Variants in PKHD1L1 observed in about 807,000 individuals in gnomAD.
The protein encoded by PKHD1L1 is fibrocystin-L.
PKHD1L1 carries 434 observed loss-of-function variants against 462.9 expected under a neutral mutation model. The observed-to-expected ratio is 0.94, with a 90% CI of 0.87 to 1.02. The LOEUF (loss-of-function observed/expected upper bound fraction) is 1.02, where lower values mean the gene tolerates loss of function less well. Among genes scored for constraint, PKHD1L1 ranks in the 50% least tolerant of loss-of-function variants. The probability of loss-of-function intolerance (pLI) is 0.00; values close to 1 mark genes in which losing one functional copy is unlikely to be tolerated. For synonymous variants in PKHD1L1, 1,781 were observed against 1,750.0 expected, an observed-to-expected ratio of 1.02 and a Z score of -0.44; for missense variants, 5,202 against 5,096.1, an observed-to-expected ratio of 1.02 and a Z score of -0.63.
Position 109,412,387 on chromosome 8 carries a change from A to G in PKHD1L1, c.2208A>G (p.Gly736=). The change falls in exon 20 of 78, where the codon GGA becomes GGG. Residue 736 remains glycine (G), a synonymous_variant. Coordinates refer to ENST00000378402, the MANE Select transcript of PKHD1L1 (RefSeq NM_177531.6). Reference sequence around the variant, plus strand: ...TTAAACCAAACAGACGACCATATGGAGATATTTTATTGTTTCCTTATAATC... The same window carrying G: ...TTAAACCAAACAGACGACCATATGGGGATATTTTATTGTTTCCTTATAATC... ...ADVKPNRRPY[G]DILLFPYNQL... is the part of the protein sequence containing the mutation. 2 of 1,612,614 alleles carry G rather than the reference A, an allele frequency of 1.2e-6. No individual in the cohort carries two copies. The highest frequency in any genetic ancestry group is 1.7e-6 in the Non-Finnish European group (2 of 1,179,176).
chr8:109,382,361 T>G, intron 3 of PKHD1L1, 102 bp from the exon 4 acceptor site: 1 of 900,624 alleles, frequency 1.1e-6, no homozygotes, highest in Non-Finnish European at 1.6e-6. Flanking sequence ...GGACACTTTC[T>G]GTCAAAAATA....
At chr8:109,404,180 C>G (rs1164172057) in intron 14 of PKHD1L1, among the ~76,000 whole-genome samples, 1 of 152,064 alleles carries the variant, frequency 6.6e-6, no homozygotes, top group Admixed American at 6.6e-5. Context: ...TCTAAGCCTG[C>G]CATTTTCTTG....
At chr8:109,480,258 A>G in intron 55 of PKHD1L1, 119 bp downstream of exon 55, 1 of 1,045,630 alleles carries the variant, frequency 9.6e-7, no homozygotes, top group Non-Finnish European at 1.4e-6. Context: ...AACTGGCTCT[A>G]TCCCATTAAA....
intron 16 of PKHD1L1, 111 bp from the exon 17 acceptor site, chr8:109,406,224 G>T: frequency 9.7e-7 from 1 of 1,036,062 alleles, no homozygotes; most frequent in South Asian, 1.8e-5. Flanking sequence ...ACATGGTACA[G>T]AGTATAGGTG....
intron 71 of PKHD1L1, 68 bp downstream of exon 71, chr8:109,511,002 T>C: frequency 6.6e-7 from 1 of 1,513,522 alleles, no homozygotes; most frequent in Non-Finnish European, 9.0e-7. Flanking sequence ...TGCTAAGGCT[T>C]GTACCTCCTC....
chr8:109,461,703 A>G (rs1385032784), intron 47 of PKHD1L1, 69 bp from the exon 48 acceptor site: 1 of 1,485,018 alleles, frequency 6.7e-7, no homozygotes. Flanking sequence ...ACACTTAGTT[A>G]TGAGAAAATC....
intron 35 of PKHD1L1, 73 bp from the exon 36 acceptor site, chr8:109,442,873 A>T (rs1815881897): frequency 1.4e-6 from 2 of 1,400,808 alleles, no homozygotes; most frequent in African/African-American, 1.4e-5. Flanking sequence ...GATCATTTCA[A>T]ATTGTTTTCA....
chr8:109,430,453 T>C (rs1002142355), intron 27 of PKHD1L1, among the ~76,000 whole-genome samples: 3 of 152,140 alleles, frequency 2.0e-5, no homozygotes, highest in African/African-American at 7.2e-5. Flanking sequence ...TAACAAGACA[T>C]CTGCTGTTTC....
Position 109,453,022 on chromosome 8 carries a change from A to G in PKHD1L1, c.6664+148A>G, listed in dbSNP as rs1424520796. The G allele has an allele frequency of 1.4e-4, 84 of 621,600 alleles. 2 individuals are homozygous for G. In the East Asian group the frequency reaches 2.9e-3, roughly 21 times the overall value. The allele number at this position is 621,600 out of a possible 1,614,324, so 38.5% of individuals were successfully genotyped here. ...TCCTGGGCTTTCTAAATTGAGTATT[A>G]CAATCCATTTGTGATTATGATATTA... On this transcript the variant is annotated intron_variant, in intron 43 of 77. Coordinates refer to ENST00000378402, the MANE Select transcript of PKHD1L1 (RefSeq NM_177531.6).
rs371776855 is a variant in PKHD1L1 at position 109,392,837 on chromosome 8, T to C, written c.741-1578T>C. Among the ~76,000 whole-genome samples, 6 of 152,296 alleles carry C rather than the reference T, an allele frequency of 3.9e-5. No homozygotes were observed. The East Asian group carries it at 1.2e-3, about 29-fold the overall frequency. ...AAAGGCCTTTCTGTGGCATCTATTC[T>C]GTATTTCTTTTAATAGCCAACCTTC... On this transcript the variant is annotated intron_variant, in intron 9 of 77. Transcript: ENST00000378402.
chr8:109,415,123 C>T lies in PKHD1L1; in HGVS notation c.2360+1578C>T, dbSNP rs181292445. 2.9e-3 allele frequency among the ~76,000 whole-genome samples: 447 copies of T among 151,916 alleles called. 2 individuals are homozygous for T. Among genetic ancestry groups the T allele is most frequent in the Non-Finnish European group, 4.7e-3 (318 of 67,950 alleles). Reference sequence around the variant, plus strand: ...AGTGATCCTCCCACCCCAGCCTCCCCCCACAAGTAGCTGGGACTGCAGGTG... The same window carrying T: ...AGTGATCCTCCCACCCCAGCCTCCCTCCACAAGTAGCTGGGACTGCAGGTG... On this transcript the variant is annotated intron_variant, in intron 21 of 77. Coordinates refer to ENST00000378402, the MANE Select transcript of PKHD1L1 (RefSeq NM_177531.6).
At chr8:109,390,425 T>C (rs1223929051) in intron 8 of PKHD1L1, 27 bp from the exon 9 acceptor site, 2 of 1,315,208 alleles carry the variant, frequency 1.5e-6, no homozygotes, top group East Asian at 5.4e-5. Flanking sequence ...GGAATTTAAT[T>C]GATTGTGTAT....
intron 9 of PKHD1L1, among the ~76,000 whole-genome samples, chr8:109,394,187 A>G (rs1005917906): frequency 2.0e-5 from 3 of 151,198 alleles, no homozygotes; most frequent in African/African-American, 7.3e-5. Flanking sequence ...AAAAAAAAAA[A>G]AAAAAAAAAA....
At chr8:109,394,092 C>T (rs1812836749) in intron 9 of PKHD1L1, among the ~76,000 whole-genome samples, 1 of 148,236 alleles carries the variant, frequency 6.7e-6, no homozygotes, top group Admixed American at 6.8e-5. Context: ...GAGAATCCCT[C>T]GAACCCGGGA....
chr8:109,487,972 A>G, intron 59 of PKHD1L1, among the ~76,000 whole-genome samples: 1 of 134,088 alleles, frequency 7.5e-6, no homozygotes. Flanking sequence ...AAGGGAGAAA[A>G]GGTACAGTTG....
rs535665181 is a variant in PKHD1L1 at position 109,394,852 on chromosome 8, A to G, written c.811+367A>G. 5.3e-5 allele frequency among the ~76,000 whole-genome samples: 8 copies of G among 152,368 alleles called. No homozygotes were observed. The South Asian group carries it at 1.4e-3, about 28-fold the overall frequency. On this transcript the variant is annotated intron_variant, in intron 10 of 77. Coordinates refer to ENST00000378402, the MANE Select transcript of PKHD1L1 (RefSeq NM_177531.6). Reference sequence around the variant, plus strand: ...CAATTTACGATGGGGTGACCCCATCATAAGTTGAAAATATTATTACATCGA... The same window carrying G: ...CAATTTACGATGGGGTGACCCCATCGTAAGTTGAAAATATTATTACATCGA...
intron 67 of PKHD1L1, among the ~76,000 whole-genome samples, chr8:109,501,196 C>T (rs1673422): frequency 0.34 from 52,067 of 151,946 alleles, 9,243 homozygotes; most frequent in South Asian, 0.52. Context: ...AAAGTTGACA[C>T]GTCAGCTGTG....
intron 71 of PKHD1L1, among the ~76,000 whole-genome samples, chr8:109,514,082 C>T (rs1820140519): frequency 6.6e-6 from 1 of 152,148 alleles, no homozygotes; most frequent in East Asian, 1.9e-4. Context: ...CCTGAGCTCT[C>T]TGGCTTCTTC....
chr8:109,518,876 T>C (rs979704808), intron 73 of PKHD1L1, among the ~76,000 whole-genome samples: 1 of 151,948 alleles, frequency 6.6e-6, no homozygotes, highest in African/African-American at 2.4e-5. Flanking sequence ...ATGGAAACTG[T>C]TGGTGAGAGT....
Sources: allele counts gnomAD v4.1 joint callset (sites outside exome capture counted in the v4.1 genomes callset), GRCh38; gene constraint gnomAD v4.1.1; transcripts MANE v1.5; gene names NCBI Gene and HGNC (gene_info 2026-07-23, HGNC 2026-07-21).